MAD1L1: variants seen among roughly 807,000 people sequenced by gnomAD.
MAD1L1 encodes the protein mitotic arrest deficient 1 like 1, also known as mitotic spindle assembly checkpoint protein MAD1.
Under a neutral mutation model 96.9 loss-of-function variants are expected in MAD1L1, and 95 were observed. The observed-to-expected ratio is 0.98, with a 90% CI of 0.83 to 1.16. The LOEUF (loss-of-function observed/expected upper bound fraction) is 1.16, where lower values mean the gene tolerates loss of function less well. Among genes scored for constraint, MAD1L1 ranks in the 50% most tolerant of loss-of-function variants. The pLI, the probability that MAD1L1 is intolerant of heterozygous loss-of-function variation, is 0.00. For synonymous variants in MAD1L1, 473 were observed against 396.6 expected, an observed-to-expected ratio of 1.19 and a Z score of -2.29; for missense variants, 1,007 against 954.4, an observed-to-expected ratio of 1.06 and a Z score of -0.73.
chr7:1,866,569 G>C (rs1019854699), intron 18 of MAD1L1, among the ~76,000 whole-genome samples: 1 of 152,220 alleles, frequency 6.6e-6, no homozygotes, highest in Non-Finnish European at 1.5e-5. Context: ...GAGGCTCAGG[G>C]AGCGCTACAG....
chr7:1,914,018 T>G lies in MAD1L1; in HGVS notation c.1808-15628A>C, dbSNP rs556260112. Among the ~76,000 whole-genome samples the G allele has an allele frequency of 2.4e-5, 3 of 123,624 alleles. No homozygotes were observed. The South Asian group carries it at 7.7e-4, about 32-fold the overall frequency. The allele number at this position is 123,624 out of a possible 152,430, so 81.1% of individuals were successfully genotyped here. On this transcript the variant is annotated intron_variant, in intron 17 of 18. Transcript: ENST00000265854. Reference sequence around the variant, plus strand: ...AAGCTCCCAGGGCAGCGTGGGCAGGTCTCCCCCCCCAGCACGCCTGTCCAC... The same window carrying G: ...AAGCTCCCAGGGCAGCGTGGGCAGGGCTCCCCCCCCAGCACGCCTGTCCAC...
At chr7:2,040,551 T>C (rs1783628797) in intron 12 of MAD1L1, among the ~76,000 whole-genome samples, 1 of 152,222 alleles carries the variant, frequency 6.6e-6, no homozygotes, top group South Asian at 2.1e-4. Flanking sequence ...GCTGACCTTA[T>C]ATCCATTAAG....
intron 11 of MAD1L1, among the ~76,000 whole-genome samples, chr7:2,129,515 C>T (rs1013153129): frequency 2.0e-5 from 3 of 152,312 alleles, no homozygotes; most frequent in South Asian, 4.1e-4. Flanking sequence ...GCGAGGAACA[C>T]GCGCTTCTCA....
At chr7:1,882,328 C>T (rs1310611523) in intron 18 of MAD1L1, among the ~76,000 whole-genome samples, 1 of 152,220 alleles carries the variant, frequency 6.6e-6, no homozygotes, top group African/African-American at 2.4e-5. Context: ...GTGAAGTCAG[C>T]ATGCGTTGAA....
intron 18 of MAD1L1, among the ~76,000 whole-genome samples, chr7:1,851,485 C>T (rs1428437044): frequency 6.6e-6 from 1 of 152,208 alleles, no homozygotes; most frequent in African/African-American, 2.4e-5. Context: ...CCCTGATGAA[C>T]TGTGCGTCAC....
At chr7:1,914,417 AG>A (rs1302674098) in intron 17 of MAD1L1, among the ~76,000 whole-genome samples, 5 of 152,326 alleles carry the variant, frequency 3.3e-5, no homozygotes, top group Non-Finnish European at 7.4e-5. Flanking sequence ...AGTCGGCTAG[AG>A]ATCCGAAGAT....
intron 11 of MAD1L1, among the ~76,000 whole-genome samples, chr7:2,136,834 C>T (rs1201617106): frequency 1.3e-5 from 2 of 152,200 alleles, no homozygotes; most frequent in Non-Finnish European, 2.9e-5. Flanking sequence ...AATCCCAGCT[C>T]GGCATGGAAA....
Position 2,014,717 on chromosome 7 carries a change from C to T in MAD1L1, c.1219-75G>A, listed in dbSNP as rs1231274815. ...AATGATGGAGACGGCTCAGGGAAGG[C>T]CCCACGAGAGCTGGGTCACGCGGGG... is the stretch of plus-strand genomic sequence containing the variant. On this transcript the variant is annotated intron_variant, in intron 12 of 18. Transcript: ENST00000265854. The T allele has an allele frequency of 3.4e-6, 5 of 1,480,442 alleles. No homozygotes were observed. The Admixed American group carries it at 8.2e-5, about 24-fold the overall frequency. The allele number at this position is 1,480,442 out of a possible 1,614,324, so 91.7% of individuals were successfully genotyped here.
chr7:1,859,570 G>A lies in MAD1L1; in HGVS notation c.1998+38630C>T, dbSNP rs183483677. On this transcript the variant is annotated intron_variant, in intron 18 of 18. Transcript: ENST00000265854. ...CCAGGACTTTATGTTTTTCTCTGGG[G>A]ACCTTATGGCACCCATGATGGGGAC... 3.9e-3 allele frequency among the ~76,000 whole-genome samples: 594 copies of A among 152,296 alleles called. 6 individuals carry two copies. The highest frequency in any genetic ancestry group is 0.01 in the Middle Eastern group (3 of 294).
intron 10 of MAD1L1, among the ~76,000 whole-genome samples, chr7:2,161,375 G>A (rs962627907): frequency 6.6e-6 from 1 of 152,032 alleles, no homozygotes; most frequent in Non-Finnish European, 1.5e-5. Context: ...CCGCGGTGCC[G>A]GGATTGCAGA....
intron 18 of MAD1L1, among the ~76,000 whole-genome samples, chr7:1,892,138 C>T (rs1786581897): frequency 6.6e-6 from 1 of 152,210 alleles, no homozygotes; most frequent in Non-Finnish European, 1.5e-5. Context: ...CACGTACAGA[C>T]ACGCAGATGC....
chr7:1,924,625 G>C (rs1189406321), intron 17 of MAD1L1, among the ~76,000 whole-genome samples: 2 of 152,206 alleles, frequency 1.3e-5, no homozygotes, highest in African/African-American at 4.8e-5. Context: ...CCCGAAGGAA[G>C]TCCTGCCAAA....
chr7:1,948,497 G>A (rs551952881), intron 16 of MAD1L1, among the ~76,000 whole-genome samples: 21 of 152,316 alleles, frequency 1.4e-4, no homozygotes, highest in African/African-American at 4.6e-4. Flanking sequence ...CCCAGGAGAC[G>A]GCGCTGAGGC....
At chr7:2,188,860 A>T (rs1047150155) in intron 10 of MAD1L1, among the ~76,000 whole-genome samples, 2 of 152,228 alleles carry the variant, frequency 1.3e-5, no homozygotes, top group Non-Finnish European at 2.9e-5. Flanking sequence ...TTAAATTTTA[A>T]ATTTGTCAAA....
intron 11 of MAD1L1, among the ~76,000 whole-genome samples, chr7:2,120,911 G>A (rs1247174748): frequency 6.6e-6 from 1 of 152,202 alleles, no homozygotes; most frequent in Non-Finnish European, 1.5e-5. Flanking sequence ...GGCGAGGAAG[G>A]TCTTCACCCC....
In MAD1L1 at chr7:2,181,067, T is replaced by C. The variant is rs542484356; in HGVS notation, c.987-31829A>G. ...TTCTTCTGCTGCTCAAATATGCCGG[T>C]GAGCTTATCTACCAAATTTTCATTT... On this transcript the variant is annotated intron_variant, in intron 10 of 18. Coordinates refer to ENST00000265854, the MANE Select transcript of MAD1L1 (RefSeq NM_001013836.2). 2.6e-5 allele frequency among the ~76,000 whole-genome samples: 4 copies of C among 152,366 alleles called. No homozygotes were observed. In the East Asian group the frequency reaches 7.7e-4, roughly 29 times the overall value.
At chr7:2,034,628 T>C (rs1489546178) in intron 12 of MAD1L1, among the ~76,000 whole-genome samples, 1 of 152,220 alleles carries the variant, frequency 6.6e-6, no homozygotes, top group African/African-American at 2.4e-5. Flanking sequence ...ATGTCACAAG[T>C]GCAGGAAGCA....
chr7:1,980,298 T>C (rs915489773), intron 15 of MAD1L1, among the ~76,000 whole-genome samples, 155 bp downstream of exon 15: 2 of 148,106 alleles, frequency 1.4e-5, no homozygotes, highest in Non-Finnish European at 3.0e-5. Context: ...GTCCGCCTCT[T>C]CCTCCGTGGG....
At chr7:2,084,137 C>T (rs3800891) in intron 11 of MAD1L1, among the ~76,000 whole-genome samples, 7,034 of 152,294 alleles carry the variant, frequency 0.046, 260 homozygotes, top group African/African-American at 0.097. Flanking sequence ...GCAGGGTGTG[C>T]GGTGGACACT....
Sources: allele counts gnomAD v4.1 joint callset (sites outside exome capture counted in the v4.1 genomes callset), GRCh38; gene constraint gnomAD v4.1.1; transcripts MANE v1.5; gene names NCBI Gene and HGNC (gene_info 2026-07-23, HGNC 2026-07-21).